Variants in STK32B observed in about 807,000 individuals in gnomAD.
STK32B encodes serine/threonine kinase 32B.
Under a neutral mutation model 52.6 loss-of-function variants are expected in STK32B, and 43 were observed. That is an observed-to-expected ratio of 0.82 (90% CI 0.64 to 1.05). The LOEUF (loss-of-function observed/expected upper bound fraction) is 1.05. Among genes scored for constraint, STK32B ranks in the 50% least tolerant of loss-of-function variants. The probability of loss-of-function intolerance (pLI) is 0.00; values close to 1 mark genes in which losing one functional copy is unlikely to be tolerated. For synonymous variants in STK32B, 238 were observed against 204.3 expected, an observed-to-expected ratio of 1.17 and a Z score of -1.41; for missense variants, 621 against 534.6, an observed-to-expected ratio of 1.16 and a Z score of -1.59.
chr4:5,404,050 T>G (rs2109053779), intron 5 of STK32B, among the ~76,000 whole-genome samples: 1 of 152,234 alleles, frequency 6.6e-6, no homozygotes, highest in East Asian at 1.9e-4. Context: ...GCTGCAGCAC[T>G]GTGCCAGGGG....
chr4:5,299,064 T>G (rs1175163575), intron 3 of STK32B, among the ~76,000 whole-genome samples: 1 of 151,924 alleles, frequency 6.6e-6, no homozygotes, highest in African/African-American at 2.4e-5. Context: ...ACCCAGCCCC[T>G]TCTGGGCTTC....
chr4:5,345,758 C>A (rs1032956864), intron 4 of STK32B, among the ~76,000 whole-genome samples: 3 of 152,232 alleles, frequency 2.0e-5, no homozygotes, highest in African/African-American at 7.2e-5. Flanking sequence ...TCAAGTTCTT[C>A]AACAACACGT....
intron 1 of STK32B, among the ~76,000 whole-genome samples, chr4:5,072,336 C>G (rs1270158762): frequency 3.3e-5 from 5 of 152,156 alleles, no homozygotes; most frequent in Non-Finnish European, 7.3e-5. Flanking sequence ...TGCTTCTCTT[C>G]CTATCCCTAA....
At chr4:5,421,368 G>C (rs189712237) in intron 6 of STK32B, among the ~76,000 whole-genome samples, 1 of 152,064 alleles carries the variant, frequency 6.6e-6, no homozygotes. Context: ...GGGATTACAG[G>C]CATGAGCCAC....
At chr4:5,134,282 TAATA>T (rs1386034554) in intron 1 of STK32B, among the ~76,000 whole-genome samples, 8 of 152,280 alleles carry the variant, frequency 5.3e-5, no homozygotes, top group Admixed American at 2.6e-4. Flanking sequence ...AGGAGAGGCC[TAATA>T]AAAGGTGATT....
At chr4:5,199,492 G>GT (rs75767057) in intron 3 of STK32B, among the ~76,000 whole-genome samples, 2,416 of 141,238 alleles carry the variant, frequency 0.017, 31 homozygotes, top group African/African-American at 0.036. Context: ...TGTGAATGCT[G>GT]TTTTTTTTTT....
intron 6 of STK32B, among the ~76,000 whole-genome samples, chr4:5,440,351 A>G (rs1318262420): frequency 6.6e-6 from 1 of 152,142 alleles, no homozygotes; most frequent in Non-Finnish European, 1.5e-5. Context: ...TAGGTATTTT[A>G]TTCTCTTTGA....
chr4:5,359,040 G>A (rs1354608737), intron 4 of STK32B, among the ~76,000 whole-genome samples: 2 of 152,212 alleles, frequency 1.3e-5, no homozygotes, highest in East Asian at 1.9e-4. Flanking sequence ...ATCAGCAAAT[G>A]TTCTACGTGG....
Position 5,395,935 on chromosome 4 carries a change from A to C in STK32B, c.435-2272A>C, listed in dbSNP as rs16837124. Among the ~76,000 whole-genome samples the C allele has an allele frequency of 0.039, 5,976 of 152,230 alleles. 197 individuals are homozygous for C. The highest frequency in any genetic ancestry group is 0.084 in the East Asian group (436 of 5,160). ...CATTCTGTTCTCAGGATATGAGACA[A>C]TGTGCGCCGGTGCAATGTGGATGTG... On this transcript the variant is annotated intron_variant, in intron 4 of 11. Transcript: ENST00000282908. This position sits in a 1 kb window ranked among gnomAD's most constrained non-coding sequence, Gnocchi z 4.4.
intron 9 of STK32B, among the ~76,000 whole-genome samples, chr4:5,465,817 C>T (rs1039353599): frequency 6.6e-6 from 1 of 152,136 alleles, no homozygotes; most frequent in African/African-American, 2.4e-5. Context: ...CACAGCAGGC[C>T]CAGGTCCTAA....
chr4:5,399,704 G>A lies in STK32B; in HGVS notation c.472+1460G>A, dbSNP rs1018900158. Among the ~76,000 whole-genome samples, 16 of 152,336 alleles carry A rather than the reference G, an allele frequency of 1.1e-4. No homozygotes were observed. Among genetic ancestry groups the A allele is most frequent in the African/African-American group, 3.4e-4 (14 of 41,572 alleles). On this transcript the variant is annotated intron_variant, in intron 5 of 11. Coordinates refer to ENST00000282908, the MANE Select transcript of STK32B (RefSeq NM_018401.3). The surrounding 1 kb of genome is among the most constrained non-coding windows in gnomAD (Gnocchi z 5.4). ...TCCTTGGGCCAGTGGCTGTACCTCC[G>A]TGTCTCAGCCTTCCCAGCAGCGATG...
intron 3 of STK32B, among the ~76,000 whole-genome samples, chr4:5,280,802 G>T (rs1319636754): frequency 1.3e-5 from 2 of 152,086 alleles, no homozygotes; most frequent in Non-Finnish European, 2.9e-5. Context: ...GGGAGACTGA[G>T]GCAGGAGAAT....
At chr4:5,176,123 G>A (rs1486153684) in intron 3 of STK32B, among the ~76,000 whole-genome samples, 1 of 152,224 alleles carries the variant, frequency 6.6e-6, no homozygotes, top group Non-Finnish European at 1.5e-5. Context: ...TAATCTCCTG[G>A]TGTGCCGTTT....
At chr4:5,065,267 G>T (rs527733322) in intron 1 of STK32B, among the ~76,000 whole-genome samples, 60 of 152,280 alleles carry the variant, frequency 3.9e-4, no homozygotes, top group African/African-American at 1.4e-3. Flanking sequence ...GAGGACTCTA[G>T]GAGGTATAGA....
At chr4:5,374,780 G>C (rs760885839) in intron 4 of STK32B, among the ~76,000 whole-genome samples, 6 of 137,784 alleles carry the variant, frequency 4.4e-5, no homozygotes, top group Admixed American at 7.0e-5. Context: ...TGACGGGGGC[G>C]GGGGGGGAAC....
intron 3 of STK32B, among the ~76,000 whole-genome samples, chr4:5,262,697 A>T (rs1726799866): frequency 6.6e-6 from 1 of 152,050 alleles, no homozygotes. Flanking sequence ...GTATTAACCA[A>T]TTTTTTAAAG....
chr4:5,313,284 CTAT>C (rs774101416), intron 3 of STK32B, among the ~76,000 whole-genome samples: 1 of 151,772 alleles, frequency 6.6e-6, no homozygotes, highest in Non-Finnish European at 1.5e-5. Context: ...AGAAAAAATC[CTAT>C]TATTATATCA....
intron 3 of STK32B, among the ~76,000 whole-genome samples, chr4:5,250,939 T>C (rs1167267595): frequency 6.6e-6 from 1 of 152,236 alleles, no homozygotes; most frequent in Admixed American, 6.5e-5. Context: ...TTTAAGTTCC[T>C]TACAGATCCT....
chr4:5,341,529 G>A (rs571639133), intron 4 of STK32B, among the ~76,000 whole-genome samples: 2 of 152,130 alleles, frequency 1.3e-5, no homozygotes, highest in East Asian at 3.9e-4. Context: ...TTTCTTCCTG[G>A]CATGTAATCC....
Sources: gnomAD v4.1 joint callset for allele counts (sites outside exome capture counted in the v4.1 genomes callset) on GRCh38, gnomAD v4.1.1 for gene constraint, Gnocchi (gnomAD v3.1) non-coding constraint, MANE v1.5 for transcripts, NCBI Gene and HGNC (gene_info 2026-07-23, HGNC 2026-07-21) for gene names.